ITSN2: variants seen among roughly 807,000 people sequenced by gnomAD.
ITSN2 encodes the protein intersectin 2.
A neutral mutation model predicts 243.7 loss-of-function variants in ITSN2; 156 were observed. That is an observed-to-expected ratio of 0.64 (90% confidence interval 0.56 to 0.73). The LOEUF (loss-of-function observed/expected upper bound fraction) is 0.73. ITSN2 is among the 30% of genes least tolerant of loss of function. The pLI, the probability that ITSN2 is intolerant of heterozygous loss-of-function variation, is 0.00. For missense variants in ITSN2, 1,801 were observed against 1,996.1 expected (o/e 0.90, Z 1.86); for synonymous variants, 703 against 699.9 (o/e 1.00, Z -0.07).
At chr2:24,216,331 G>A (rs2151125693) in intron 31 of ITSN2, 99 bp from the exon 32 acceptor site, 4 of 984,422 alleles carry the variant, frequency 4.1e-6, no homozygotes, top group Non-Finnish European at 5.8e-6. Flanking sequence ...TAACCAGTGA[G>A]CTACCTAAGA....
intron 27 of ITSN2, among the ~76,000 whole-genome samples, chr2:24,247,305 G>A (rs1267891727): frequency 6.6e-6 from 1 of 152,206 alleles, no homozygotes; most frequent in Non-Finnish European, 1.5e-5. Flanking sequence ...TTGCCAGGAG[G>A]AGTTAATACT....
chr2:24,289,550 A>T (rs1165743510), intron 15 of ITSN2, among the ~76,000 whole-genome samples: 1 of 152,208 alleles, frequency 6.6e-6, no homozygotes, highest in Non-Finnish European at 1.5e-5. Flanking sequence ...GCAGACAGGG[A>T]TAATTTTACT....
chr2:24,248,511 A>G, intron 27 of ITSN2, 118 bp downstream of exon 27: 3 of 714,266 alleles, frequency 4.2e-6, no homozygotes, highest in Non-Finnish European at 6.5e-6. Flanking sequence ...ATTGATATTG[A>G]TTACCTCTAA....
At chr2:24,234,331 T>G (rs553236315) in intron 29 of ITSN2, among the ~76,000 whole-genome samples, 12 of 150,498 alleles carry the variant, frequency 8.0e-5, no homozygotes, top group Non-Finnish European at 1.5e-4. Flanking sequence ...AGGTCTCTAC[T>G]GTTCGCAAAA....
intron 29 of ITSN2, among the ~76,000 whole-genome samples, chr2:24,221,751 C>A (rs1184203196): frequency 6.6e-6 from 1 of 152,210 alleles, no homozygotes; most frequent in South Asian, 2.1e-4. Flanking sequence ...TATCCAGCCA[C>A]AAATGACAGG....
chr2:24,226,176 A>G (rs1671011333), intron 29 of ITSN2, among the ~76,000 whole-genome samples: 1 of 152,154 alleles, frequency 6.6e-6, no homozygotes, highest in African/African-American at 2.4e-5. Flanking sequence ...AATATTTGTT[A>G]GGGGATAGAA....
chr2:24,242,999 C>T (rs1014597230), intron 29 of ITSN2, among the ~76,000 whole-genome samples: 1 of 152,176 alleles, frequency 6.6e-6, no homozygotes, highest in Non-Finnish European at 1.5e-5. Context: ...GTTTTCCCAG[C>T]TGTCAGTATG....
intron 39 of ITSN2, 30 bp from the exon 40 acceptor site, chr2:24,203,813 T>A: frequency 1.9e-6 from 3 of 1,582,370 alleles, no homozygotes; most frequent in Non-Finnish European, 2.6e-6. Flanking sequence ...GAGTCAGAAG[T>A]CTTTCTTCTT....
At chr2:24,208,422 A>T in intron 36 of ITSN2, 103 bp from the exon 37 acceptor site, 2 of 837,358 alleles carry the variant, frequency 2.4e-6, no homozygotes, top group Non-Finnish European at 3.9e-6. Context: ...GCTAACCTCA[A>T]CTTTCACAAG....
intron 1 of ITSN2, among the ~76,000 whole-genome samples, chr2:24,358,390 C>T (rs1195189581): frequency 6.6e-6 from 1 of 152,198 alleles, no homozygotes; most frequent in Admixed American, 6.5e-5. Flanking sequence ...ATAATAATTA[C>T]TCCTAGGGCC....
At chr2:24,205,600 C>T (rs182844979) in intron 37 of ITSN2, 6 of 342,840 alleles carry the variant, frequency 1.8e-5, no homozygotes, top group African/African-American at 8.4e-5. Context: ...CAGTATCCCT[C>T]GCTTATGAGC....
At chr2:24,343,812 T>C (rs1687277794) in intron 1 of ITSN2, among the ~76,000 whole-genome samples, 1 of 152,194 alleles carries the variant, frequency 6.6e-6, no homozygotes, top group African/African-American at 2.4e-5. Flanking sequence ...CCATTTCCTC[T>C]AAGCAATTTT....
In ITSN2 at chr2:24,210,753, C is replaced by T. The variant is rs750364255; in HGVS notation, c.4257+27G>A. 4.8e-5 allele frequency: 77 copies of T among 1,603,558 alleles called. 1 individual carries two copies. The Admixed American group carries it at 7.5e-4, about 16-fold the overall frequency. Reference sequence around the variant, plus strand: ...TCCCCACCCAGAGCCTCCCTGGAGGCGCACGGCTTAACCACACAGGCCTGA... The same window carrying T: ...TCCCCACCCAGAGCCTCCCTGGAGGTGCACGGCTTAACCACACAGGCCTGA... On this transcript the variant is annotated intron_variant, in intron 34 of 39. Coordinates refer to ENST00000355123, the MANE Select transcript of ITSN2 (RefSeq NM_006277.3).
intron 37 of ITSN2, chr2:24,206,374 AAGGAAGGTGGAGATGCAGGGGGCCGGCG>A: frequency 3.9e-6 from 1 of 254,430 alleles, no homozygotes; most frequent in Non-Finnish European, 8.3e-6. Context: ...GCCCGGCGGG[AAGGAAGGTGGAGATGCAGGGGGCCGGCG>A]GGGAGGAAGG....
intron 17 of ITSN2, among the ~76,000 whole-genome samples, chr2:24,279,204 C>A (rs1678432751): frequency 6.6e-6 from 1 of 152,104 alleles, no homozygotes; most frequent in African/African-American, 2.4e-5. Flanking sequence ...TTGGTCATGG[C>A]AGGTTATGCC....
At chr2:24,270,822 A>G in intron 19 of ITSN2, 54 bp from the exon 20 acceptor site, 1 of 929,754 alleles carries the variant, frequency 1.1e-6, no homozygotes, top group Non-Finnish European at 1.7e-6. Context: ...CATCTTTGCT[A>G]TGACTCAATA....
intron 2 of ITSN2, among the ~76,000 whole-genome samples, chr2:24,322,248 T>A (rs988963836): frequency 4.6e-5 from 7 of 152,192 alleles, no homozygotes; most frequent in Admixed American, 4.6e-4. Flanking sequence ...GTAAGTCTCA[T>A]AAGAATCCCA....
Position 24,308,665 on chromosome 2 carries a change from G to C in ITSN2, c.745C>G (p.Arg249Gly). The change falls in exon 8 of 40, where the codon CGG becomes GGG. Residue 249 changes from arginine (R) to glycine (G), a missense_variant. By Grantham distance (125) the Arg-to-Gly change is moderately radical. Around this residue, in one of 5 missense-constraint regions of ITSN2, gnomAD observed 787 missense variants for 803.9 expected, o/e 0.98. Coordinates refer to ENST00000355123, the MANE Select transcript of ITSN2 (RefSeq NM_006277.3). ...TTGTCAAGAGTATTAAATTTTTGCC[G>C]ATATTTTAATCTTGTAGGCTGAGGA... ...AVPQPTRLKY[R>G]QKFNTLDKSM... The C allele has an allele frequency of 6.5e-7, 1 of 1,535,828 alleles. No homozygotes were observed. Among genetic ancestry groups the C allele is most frequent in the South Asian group, 1.3e-5 (1 of 75,632 alleles).
intron 1 of ITSN2, among the ~76,000 whole-genome samples, chr2:24,347,441 C>T (rs1286761344): frequency 1.3e-5 from 2 of 152,120 alleles, no homozygotes; most frequent in African/African-American, 4.8e-5. Flanking sequence ...AATCCCAGCC[C>T]TTTGGGAGGC....
Sources: gnomAD v4.1 joint callset for allele counts (sites outside exome capture counted in the v4.1 genomes callset) on GRCh38, gnomAD v4.1.1 for gene constraint, gnomAD v4.1.1 regional missense constraint, MANE v1.5 for transcripts, NCBI Gene and HGNC (gene_info 2026-07-23, HGNC 2026-07-21) for gene names.